LGSN: variants seen among roughly 807,000 people sequenced by gnomAD.
LGSN encodes lengsin, lens protein with glutamine synthetase domain, also known as lengsin.
In LGSN, 21 loss-of-function variants were observed where a neutral mutation model predicts 19.5. The observed-to-expected ratio is 1.07, with a 90% confidence interval of 0.76 to 1.55. The LOEUF is 1.55. LGSN is among the 40% of genes most tolerant of loss of function. The pLI is 0.00. For missense variants in LGSN, 673 were observed against 608.5 expected, an observed-to-expected ratio of 1.11 and a Z score of -1.12; for synonymous variants, 257 against 215.6, an observed-to-expected ratio of 1.19 and a Z score of -1.68.
At chr6:63,502,877 C>A in the LGSN span, among the ~76,000 whole-genome samples, 1 of 152,096 alleles carries the variant, frequency 6.6e-6, no homozygotes, top group Non-Finnish European at 1.5e-5. Flanking sequence ...TAATAAGGAG[C>A]AAGTAGTAAT....
the LGSN span, among the ~76,000 whole-genome samples, chr6:63,403,601 G>C: frequency 6.6e-6 from 1 of 151,778 alleles, no homozygotes; most frequent in Admixed American, 6.6e-5. Context: ...ATAGTTTCGG[G>C]GGAAGATCAA....
At chr6:63,340,184 T>C in the LGSN span, among the ~76,000 whole-genome samples, 457 of 152,270 alleles carry the variant, frequency 3.0e-3, 2 homozygotes, top group Non-Finnish European at 3.5e-3. Flanking sequence ...CGCTTTTCTC[T>C]TGCAGTCCTT....
At chr6:63,286,779 C>T (rs1767557376) in intron 2 of LGSN, among the ~76,000 whole-genome samples, 1 of 152,190 alleles carries the variant, frequency 6.6e-6, no homozygotes, top group African/African-American at 2.4e-5. Flanking sequence ...CCTTCCAATC[C>T]TGCCTTTGCC....
the LGSN span, among the ~76,000 whole-genome samples, chr6:63,420,274 T>C: frequency 6.6e-6 from 1 of 151,790 alleles, no homozygotes. Flanking sequence ...CCCGGCCCCC[T>C]GGGCCCATAA....
chr6:63,289,473 C>T (rs543803073), intron 2 of LGSN, among the ~76,000 whole-genome samples: 1 of 152,080 alleles, frequency 6.6e-6, no homozygotes, highest in Non-Finnish European at 1.5e-5. Flanking sequence ...CAGATAATTG[C>T]CAGTTCAGGA....
the LGSN span, among the ~76,000 whole-genome samples, chr6:63,459,456 T>C: frequency 6.6e-6 from 1 of 152,162 alleles, no homozygotes; most frequent in Admixed American, 6.6e-5. Flanking sequence ...GATCTCACTA[T>C]GTTGACTAAG....
chr6:63,330,148 C>T, the LGSN span, among the ~76,000 whole-genome samples: 1 of 152,194 alleles, frequency 6.6e-6, no homozygotes, highest in East Asian at 1.9e-4. Flanking sequence ...CCAGTGATTG[C>T]CTCGGCATAG....
At chr6:63,485,435 T>C in the LGSN span, among the ~76,000 whole-genome samples, 1 of 152,228 alleles carries the variant, frequency 6.6e-6, no homozygotes, top group African/African-American at 2.4e-5. Context: ...CAGTCTATCT[T>C]CGATGGGCAT....
chr6:63,313,615 A>G (rs1768716079), intron 1 of LGSN, among the ~76,000 whole-genome samples: 1 of 152,116 alleles, frequency 6.6e-6, no homozygotes, highest in Non-Finnish European at 1.5e-5. Context: ...TGGGCAAATG[A>G]CTTGAGGCCA....
At chr6:63,496,760 T>C in the LGSN span, among the ~76,000 whole-genome samples, 1 of 151,752 alleles carries the variant, frequency 6.6e-6, no homozygotes, top group Non-Finnish European at 1.5e-5. Flanking sequence ...GCCTACTCTT[T>C]ACAACAACAA....
the LGSN span, among the ~76,000 whole-genome samples, chr6:63,494,685 C>T: frequency 6.6e-6 from 1 of 152,200 alleles, no homozygotes; most frequent in Non-Finnish European, 1.5e-5. Flanking sequence ...TGGATTCAAA[C>T]TCTTGAGCTC....
the LGSN span, among the ~76,000 whole-genome samples, chr6:63,332,045 T>C: frequency 6.6e-6 from 1 of 152,076 alleles, no homozygotes. Flanking sequence ...CTTATATGAA[T>C]AGGAAGGATA....
chr6:63,505,565 A>AAAAAGAAAGAG, the LGSN span, among the ~76,000 whole-genome samples: 1 of 58,674 alleles, frequency 1.7e-5, no homozygotes, highest in African/African-American at 8.8e-5. Flanking sequence ...AAAAAAAAAA[A>AAAAAGAAAGAG]AAAGAAAGAA....
At chr6:63,470,874 C>T in the LGSN span, among the ~76,000 whole-genome samples, 3 of 150,036 alleles carry the variant, frequency 2.0e-5, no homozygotes, top group Non-Finnish European at 4.4e-5. Context: ...GAAGGGTACT[C>T]ATCTGAAGTT....
At chr6:63,370,912 T>C in the LGSN span, among the ~76,000 whole-genome samples, 9 of 152,334 alleles carry the variant, frequency 5.9e-5, no homozygotes, top group South Asian at 1.7e-3. Flanking sequence ...GCCTGTGTTT[T>C]CACTTCACAC....
chr6:63,554,401 A>C, the LGSN span, among the ~76,000 whole-genome samples: 1 of 152,194 alleles, frequency 6.6e-6, no homozygotes, highest in African/African-American at 2.4e-5. Context: ...AATCCTTAGA[A>C]GACTGTTTCA....
the LGSN span, among the ~76,000 whole-genome samples, chr6:63,472,179 T>C: frequency 6.6e-6 from 1 of 152,232 alleles, no homozygotes; most frequent in African/African-American, 2.4e-5. Context: ...GCGTATTTTA[T>C]TTCCCTGCCC....
the LGSN span, chr6:63,572,431 G>A: frequency 2.7e-6 from 1 of 369,316 alleles, no homozygotes; most frequent in Non-Finnish European, 4.8e-6. Context: ...GTGGCTGGAG[G>A]GTTGCACGTC....
At chr6:63,497,839 G>A in the LGSN span, among the ~76,000 whole-genome samples, 1 of 150,768 alleles carries the variant, frequency 6.6e-6, no homozygotes, top group Non-Finnish European at 1.5e-5. Flanking sequence ...ACCTAGCATA[G>A]TTAATTCTCT....
Sources: gnomAD v4.1 joint callset for allele counts (sites outside exome capture counted in the v4.1 genomes callset) on GRCh38, gnomAD v4.1.1 for gene constraint, MANE v1.5 for transcripts, NCBI Gene and HGNC (gene_info 2026-07-23, HGNC 2026-07-21) for gene names.